ABLIM3: variants seen among roughly 807,000 people sequenced by gnomAD.
ABLIM3 encodes the protein actin binding LIM protein family member 3, also known as actin-binding LIM protein 3.
ABLIM3 carries 61 observed loss-of-function variants against 109.5 expected under a neutral mutation model. The observed-to-expected ratio is 0.56, with a 90% CI of 0.45 to 0.69. The LOEUF is 0.69. Among genes scored for constraint, ABLIM3 ranks in the 30% least tolerant of loss-of-function variants. The probability of loss-of-function intolerance (pLI) is 0.00; values close to 1 mark genes in which losing one functional copy is unlikely to be tolerated. For synonymous variants in ABLIM3, 300 were observed against 324.8 expected (o/e 0.92, Z 0.82); for missense variants, 796 against 889.5 (o/e 0.89, Z 1.34).
chr5:149,252,166 C>T (rs369792570), intron 21 of ABLIM3, 35 bp from the exon 22 acceptor site: 6 of 1,613,180 alleles, frequency 3.7e-6, no homozygotes, highest in Non-Finnish European at 4.2e-6. Flanking sequence ...CTGATGGGCT[C>T]CATTCTGTGT....
chr5:149,240,017 A>G (rs1005673113), intron 13 of ABLIM3, 129 bp downstream of exon 13: 10 of 1,327,284 alleles, frequency 7.5e-6, no homozygotes, highest in African/African-American at 3.1e-5. Flanking sequence ...CTGGAGGCCT[A>G]TGGCCACCCA....
chr5:149,249,611 G>T (rs868155770), intron 18 of ABLIM3, among the ~76,000 whole-genome samples: 2 of 152,186 alleles, frequency 1.3e-5, no homozygotes, highest in African/African-American at 4.8e-5. Flanking sequence ...CAGGTGCCAG[G>T]CTGGGAGCTG....
At chr5:149,207,630 C>T (rs1182663643) in intron 6 of ABLIM3, among the ~76,000 whole-genome samples, 1 of 152,200 alleles carries the variant, frequency 6.6e-6, no homozygotes, top group Non-Finnish European at 1.5e-5. Flanking sequence ...GAATTTATCC[C>T]CACTGAATAC....
In ABLIM3 at chr5:149,258,640, G is replaced by C. The variant is rs1356681995; in HGVS notation, c.*236G>C. 1 of 1,245,778 alleles carries C rather than the reference G, an allele frequency of 8.0e-7. No homozygotes were observed. The highest frequency in any genetic ancestry group is 1.0e-6 in the Non-Finnish European group (1 of 993,816). 77.2% of individuals were successfully genotyped at this position (1,245,778 alleles called of 1,614,324 possible). ...TGAGGGGACTCTGTCCTTTTATTGG[G>C]GATCCTTTTTATACTGAAACATCTG... On this transcript the variant is annotated 3_prime_UTR_variant, in exon 24 of 24. Transcript: ENST00000309868.
chr5:149,244,870 G>A lies in ABLIM3; in HGVS notation c.1352-11G>A. ...TGCCTTCCTGAAGTGCTCTCCTTGG[G>A]TCCTCTGCAGGTGATTTGTCTACAG... is the stretch of plus-strand genomic sequence containing the variant. On this transcript the variant is annotated splice_polypyrimidine_tract_variant and intron_variant, in intron 15 of 23. Transcript: ENST00000309868. 1 of 1,614,150 alleles carries A rather than the reference G, an allele frequency of 6.2e-7. No homozygotes were observed. The highest frequency in any genetic ancestry group is 1.1e-5 in the South Asian group (1 of 91,086).
rs186511288 is a variant in ABLIM3, at chr5:149,251,837, A to C, written c.1850-364A>C. On this transcript the variant is annotated intron_variant, in intron 21 of 23. Coordinates refer to ENST00000309868, the MANE Select transcript of ABLIM3 (RefSeq NM_014945.5). Reference sequence around the variant, plus strand: ...CCAAACTCGACCAGCTCCTATGAGCAAGCTCAGGCAGAAGGGGCCCACATC... The same window carrying C: ...CCAAACTCGACCAGCTCCTATGAGCCAGCTCAGGCAGAAGGGGCCCACATC... 1.7e-3 allele frequency among the ~76,000 whole-genome samples: 263 copies of C among 152,360 alleles called. 2 individuals are homozygous for C. Among genetic ancestry groups the C allele is most frequent in the Non-Finnish European group, 1.7e-3 (119 of 68,032 alleles).
chr5:149,221,277 G>T (rs182594299), intron 8 of ABLIM3, among the ~76,000 whole-genome samples: 2 of 152,284 alleles, frequency 1.3e-5, no homozygotes, highest in East Asian at 1.9e-4. Flanking sequence ...ATGCCACAAG[G>T]TCCTCATGAA....
At chr5:149,215,395 G>A (rs77656029) in intron 7 of ABLIM3, among the ~76,000 whole-genome samples, 2,332 of 152,092 alleles carry the variant, frequency 0.015, 62 homozygotes, top group African/African-American at 0.053. Flanking sequence ...GGGGGAAAAA[G>A]GAATATTGGA....
At chr5:149,166,913 G>C (rs1315709541) in intron 2 of ABLIM3, among the ~76,000 whole-genome samples, 1 of 152,172 alleles carries the variant, frequency 6.6e-6, no homozygotes, top group African/African-American at 2.4e-5. Flanking sequence ...TAGTGGGACA[G>C]AATTGTCCCT....
intron 2 of ABLIM3, among the ~76,000 whole-genome samples, chr5:149,147,455 T>C (rs1261460414): frequency 6.6e-6 from 1 of 152,226 alleles, no homozygotes; most frequent in Non-Finnish European, 1.5e-5. Flanking sequence ...TCTGCTGGAT[T>C]TGATTTGGTA....
At chr5:149,223,072 A>G (rs1760818946) in intron 8 of ABLIM3, among the ~76,000 whole-genome samples, 1 of 152,118 alleles carries the variant, frequency 6.6e-6, no homozygotes, top group Non-Finnish European at 1.5e-5. Context: ...TGACTCTACT[A>G]AGCATATTTC....
At chr5:149,230,457 C>T (rs767105867) in intron 8 of ABLIM3, among the ~76,000 whole-genome samples, 192 bp from the exon 9 acceptor site, 1 of 152,102 alleles carries the variant, frequency 6.6e-6, no homozygotes, top group Non-Finnish European at 1.5e-5. Context: ...AGGATTTGGA[C>T]ACACAGAAAA....
At chr5:149,166,019 G>A (rs1337651014) in intron 2 of ABLIM3, among the ~76,000 whole-genome samples, 1 of 152,078 alleles carries the variant, frequency 6.6e-6, no homozygotes, top group African/African-American at 2.4e-5. Flanking sequence ...TCATGGCCTG[G>A]GTGAGAAAAT....
chr5:149,178,792 A>G (rs1176963459), intron 2 of ABLIM3, among the ~76,000 whole-genome samples: 6 of 152,184 alleles, frequency 3.9e-5, no homozygotes, highest in Admixed American at 3.3e-4. Flanking sequence ...GAGAGTGTGG[A>G]GGGAGAGGAA....
chr5:149,229,577 T>C (rs572849140), intron 8 of ABLIM3, among the ~76,000 whole-genome samples: 2 of 152,244 alleles, frequency 1.3e-5, no homozygotes, highest in Non-Finnish European at 2.9e-5. Context: ...ATTCCGGTCC[T>C]GGGGGTTCCA....
intron 8 of ABLIM3, among the ~76,000 whole-genome samples, chr5:149,230,089 C>T (rs1047870221): frequency 1.9e-4 from 29 of 152,208 alleles, no homozygotes; most frequent in Middle Eastern, 3.4e-3. Context: ...CTTTTTTATC[C>T]ACACTGTCAT....
At chr5:149,165,733 C>T (rs1202364071) in intron 2 of ABLIM3, among the ~76,000 whole-genome samples, 1 of 152,148 alleles carries the variant, frequency 6.6e-6, no homozygotes, top group East Asian at 1.9e-4. Context: ...ATTACTTCTC[C>T]TCCCTTCACT....
In ABLIM3 at chr5:149,198,428, G is replaced by T; in HGVS notation, c.335+26G>T. 6.3e-7 allele frequency: 1 copy of T among 1,582,760 alleles called. No homozygotes were observed. The stretch of plus-strand genomic sequence containing the variant: ...GTGAGTGGGCGACCAGCAGGGCCTG[G>T]GACCCTCTGCATAAGCCCCCGGGGC... On this transcript the variant is annotated intron_variant, in intron 4 of 23. Coordinates refer to ENST00000309868, the MANE Select transcript of ABLIM3 (RefSeq NM_014945.5). This position sits in a 1 kb window ranked among gnomAD's most constrained non-coding sequence, Gnocchi z 4.2.
chr5:149,246,585 C>T (rs765465541), intron 17 of ABLIM3, 39 bp downstream of exon 17: 50 of 1,593,652 alleles, frequency 3.1e-5, no homozygotes, highest in Admixed American at 5.3e-5. Context: ...ATGCTTAGAG[C>T]GTATATCACT....
Sources: allele counts gnomAD v4.1 joint callset (sites outside exome capture counted in the v4.1 genomes callset), GRCh38; gene constraint gnomAD v4.1.1; non-coding constraint Gnocchi (gnomAD v3.1); transcripts MANE v1.5; gene names NCBI Gene and HGNC (gene_info 2026-07-23, HGNC 2026-07-21).